CNOT1: variants seen among roughly 807,000 people sequenced by gnomAD.
The protein encoded by CNOT1 is CCR4-associated factor 1.
CNOT1 carries 15 observed loss-of-function variants against 273.8 expected under a neutral mutation model. The ratio of observed to expected loss-of-function variants is 0.05; its 90% CI spans 0.04 to 0.08. The LOEUF (loss-of-function observed/expected upper bound fraction) is 0.08. Ranked by LOEUF, CNOT1 falls within the 10% of genes least tolerant of loss-of-function variation. The pLI is 1.00. For synonymous variants in CNOT1, 1,022 were observed against 1,005.5 expected (o/e 1.02, Z -0.31); for missense variants, 1,644 against 2,912.2 (o/e 0.56, Z 10.02).
rs547584212 is a variant in CNOT1, at chr16:58,607,649, C to T, written c.-174-8138G>A. The stretch of plus-strand genomic sequence containing the variant: ...GCTGAGGCAGGAAAATCACTTGAAT[C>T]CAGGAGGCAGAGGGTTGCAGTGAGC... On this transcript the variant is annotated intron_variant, in intron 1 of 48. Transcript: ENST00000317147. Among the ~76,000 whole-genome samples, 9 of 145,078 alleles carry T rather than the reference C, an allele frequency of 6.2e-5. No homozygotes were observed. The East Asian group carries it at 1.2e-3, about 19-fold the overall frequency.
chr16:58,592,874 A>G (rs1375597373), intron 2 of CNOT1, among the ~76,000 whole-genome samples: 1 of 152,198 alleles, frequency 6.6e-6, no homozygotes, highest in East Asian at 1.9e-4. Flanking sequence ...TATCATTTAA[A>G]TATCTGTGAT....
At chr16:58,548,126 A>G (rs1196076493) in intron 25 of CNOT1, among the ~76,000 whole-genome samples, 1 of 152,200 alleles carries the variant, frequency 6.6e-6, no homozygotes, top group Non-Finnish European at 1.5e-5. Context: ...GAATATAATC[A>G]AATTAGCCTC....
intron 44 of CNOT1, among the ~76,000 whole-genome samples, chr16:58,527,571 A>G (rs556966520): frequency 6.6e-6 from 1 of 152,088 alleles, no homozygotes; most frequent in Non-Finnish European, 1.5e-5. Flanking sequence ...ACAACAATAA[A>G]AAACACAAAT....
chr16:58,588,399 A>G (rs985844113), intron 3 of CNOT1, among the ~76,000 whole-genome samples: 3 of 152,234 alleles, frequency 2.0e-5, no homozygotes, highest in Non-Finnish European at 4.4e-5. Context: ...GTCTATTAGC[A>G]GCAAAACTTC....
rs2040112231 is a variant in CNOT1 at position 58,542,109 on chromosome 16, A to G, written c.4680+122T>C. The G allele has an allele frequency of 2.5e-6, 3 of 1,196,274 alleles. No homozygotes were observed. In the Admixed American group the frequency reaches 8.0e-5, roughly 32 times the overall value. 74.1% of individuals were successfully genotyped at this position (1,196,274 alleles called of 1,614,324 possible). The stretch of plus-strand genomic sequence containing the variant: ...CATTCAGTGAAATGCTATCAAGTTA[A>G]GATGTTTTCTCATAAACAATATTTA... On this transcript the variant is annotated intron_variant, in intron 33 of 48. Coordinates refer to ENST00000317147, the MANE Select transcript of CNOT1 (RefSeq NM_016284.5).
At chr16:58,625,613 G>A (rs927089261) in intron 1 of CNOT1, among the ~76,000 whole-genome samples, 2 of 151,998 alleles carry the variant, frequency 1.3e-5, no homozygotes, top group African/African-American at 4.8e-5. Flanking sequence ...GAACCCGGGA[G>A]GCAGAAGTTG....
At chr16:58,577,993 A>G (rs1425711873) in intron 13 of CNOT1, among the ~76,000 whole-genome samples, 1 of 152,202 alleles carries the variant, frequency 6.6e-6, no homozygotes, top group Non-Finnish European at 1.5e-5. Flanking sequence ...TAAATGTTGG[A>G]TTTAGATAAA....
intron 2 of CNOT1, among the ~76,000 whole-genome samples, chr16:58,593,063 A>G (rs1256577734): frequency 6.6e-6 from 1 of 152,218 alleles, no homozygotes; most frequent in Non-Finnish European, 1.5e-5. Flanking sequence ...AAAAACACAA[A>G]GAATCAGGAT....
intron 2 of CNOT1, among the ~76,000 whole-genome samples, chr16:58,595,999 G>A (rs1355615099): frequency 2.0e-5 from 3 of 152,202 alleles, no homozygotes. Context: ...CTTTTCTTTT[G>A]GGATGAAGGT....
chr16:58,574,408 T>G (rs925347949), intron 16 of CNOT1, among the ~76,000 whole-genome samples: 7 of 150,756 alleles, frequency 4.6e-5, no homozygotes, highest in Non-Finnish European at 8.8e-5. Flanking sequence ...AAGATGAATT[T>G]GGACCTCTAC....
chr16:58,555,558 C>A, intron 20 of CNOT1, 21 bp from the exon 21 acceptor site: 1 of 1,605,868 alleles, frequency 6.2e-7, no homozygotes. Flanking sequence ...AAGACAAAAA[C>A]AACGCACACA....
At chr16:58,524,637 C>T (rs1244105977) in intron 46 of CNOT1, among the ~76,000 whole-genome samples, 1 of 151,984 alleles carries the variant, frequency 6.6e-6, no homozygotes, top group Admixed American at 6.5e-5. Flanking sequence ...CAAAACTGGA[C>T]AGGACTGTAC....
chr16:58,574,475 A>G, intron 16 of CNOT1, 134 bp downstream of exon 16: 1 of 802,230 alleles, frequency 1.2e-6, no homozygotes, highest in East Asian at 2.8e-5. Context: ...CATAAATAGT[A>G]TAGGACTTTG....
In CNOT1 at chr16:58,575,146, A is replaced by T; in HGVS notation, c.1705-17T>A. On this transcript the variant is annotated splice_polypyrimidine_tract_variant and intron_variant, in intron 14 of 48. Coordinates refer to ENST00000317147, the MANE Select transcript of CNOT1 (RefSeq NM_016284.5). ...TGACAAGGCCTAAAGGACAAAGCAC[A>T]TTAGATAATGCAAATGGAGCAATTA... The T allele has an allele frequency of 6.2e-7, 1 of 1,606,866 alleles. No homozygotes were observed. Among genetic ancestry groups the T allele is most frequent in the Non-Finnish European group, 8.5e-7 (1 of 1,178,024 alleles).
intron 16 of CNOT1, 23 bp downstream of exon 16, chr16:58,574,586 A>T (rs2041397825): frequency 1.9e-6 from 3 of 1,549,644 alleles, no homozygotes; most frequent in African/African-American, 1.4e-5. Flanking sequence ...AAAAAAAGTC[A>T]TATTCATGTA....
chr16:58,523,219 T>A, intron 47 of CNOT1, 151 bp downstream of exon 47: 1 of 712,950 alleles, frequency 1.4e-6, no homozygotes, highest in Non-Finnish European at 2.1e-6. Context: ...TACTGCAGAC[T>A]GAGTGACAGA....
intron 1 of CNOT1, chr16:58,623,455 C>G (rs2152055661): frequency 6.6e-6 from 1 of 152,238 alleles, no homozygotes; most frequent in South Asian, 2.1e-4. Context: ...TTTAGCCCCA[C>G]CTCCTCCAAA....
At chr16:58,576,197 G>A (rs769732684) in intron 14 of CNOT1, among the ~76,000 whole-genome samples, 1 of 151,360 alleles carries the variant, frequency 6.6e-6, no homozygotes, top group African/African-American at 2.4e-5. Flanking sequence ...CACAACCTCC[G>A]CCTCCCAGGT....
intron 16 of CNOT1, among the ~76,000 whole-genome samples, chr16:58,564,345 A>G (rs1340003138): frequency 7.5e-6 from 1 of 134,102 alleles, no homozygotes; most frequent in Non-Finnish European, 1.8e-5. Context: ...ACAAACCACT[A>G]AATTAAAAAG....
Sources: allele counts gnomAD v4.1 joint callset (sites outside exome capture counted in the v4.1 genomes callset), GRCh38; gene constraint gnomAD v4.1.1; transcripts MANE v1.5; gene names NCBI Gene and HGNC (gene_info 2026-07-23, HGNC 2026-07-21).